Variants in CHFR observed in about 807,000 individuals in gnomAD.
CHFR encodes E3 ubiquitin-protein ligase CHFR.
A neutral mutation model predicts 87.6 loss-of-function variants in CHFR; 57 were observed. The observed-to-expected ratio is 0.65, with a 90% CI of 0.53 to 0.81. The LOEUF (loss-of-function observed/expected upper bound fraction) is 0.81, where lower values mean the gene tolerates loss of function less well. Among genes scored for constraint, CHFR ranks in the 30% least tolerant of loss-of-function variants. The pLI is 0.00. For missense variants in CHFR, 797 were observed against 865.8 expected, an observed-to-expected ratio of 0.92 and a Z score of 1.00; for synonymous variants, 381 against 359.2, an observed-to-expected ratio of 1.06 and a Z score of -0.69.
At position 132,873,634 on chromosome 12, in the gene CHFR, C is replaced by T. The variant is rs576408069; in HGVS notation, c.234-1240G>A. ...TTCTGTGTCCTCCTGCTCCACAGGGCTGGCTACGGGGCTGGAGTGCACACG... is the reference window on the plus strand; with the variant it reads ...TTCTGTGTCCTCCTGCTCCACAGGGTTGGCTACGGGGCTGGAGTGCACACG... On this transcript the variant is annotated intron_variant, in intron 3 of 17. Coordinates refer to ENST00000450056, the MANE Select transcript of CHFR (RefSeq NM_001161346.2). Among the ~76,000 whole-genome samples the T allele has an allele frequency of 1.1e-4, 15 of 139,512 alleles. No individual in the cohort carries two copies. The East Asian group carries it at 3.6e-3, about 34-fold the overall frequency. 91.5% of individuals were successfully genotyped at this position (139,512 alleles called of 152,430 possible).
intron 14 of CHFR, 167 bp downstream of exon 14, chr12:132,847,918 A>G: frequency 6.8e-7 from 1 of 1,467,198 alleles, no homozygotes; most frequent in South Asian, 1.4e-5. Flanking sequence ...CACCAATGGC[A>G]TGCAGAGAAC....
intron 3 of CHFR, among the ~76,000 whole-genome samples, chr12:132,876,699 A>G (rs1178418586): frequency 6.6e-6 from 1 of 152,248 alleles, no homozygotes; most frequent in Non-Finnish European, 1.5e-5. Context: ...CATAGACACC[A>G]AAGTGTCACT....
Position 132,853,463 on chromosome 12 carries a change from T to A in CHFR, c.1340A>T (p.Asp447Val). 6.5e-7 allele frequency: 1 copy of A among 1,537,486 alleles called. No individual in the cohort carries two copies. The highest frequency in any genetic ancestry group is 8.7e-7 in the Non-Finnish European group (1 of 1,151,042). The change falls in exon 11 of 18, where the codon GAT becomes GTT. Residue 447 changes from aspartate to valine, a missense_variant. Transcript: ENST00000450056. ...CAGGCTGACGGACGTGGAGGGTGCA[T>A]CCCCCAGGGCCTGTGGGGCTCCTGG... ...GEPGAPQALG[D>V]APSTSVSLTT... is the part of the protein sequence containing the mutation.
rs978557262 is a variant in CHFR, at chr12:132,887,082, A to T, written c.133+114T>A. 2.2e-5 allele frequency: 19 copies of T among 870,686 alleles called. No individual in the cohort carries two copies. In the African/African-American group the frequency reaches 3.4e-4, roughly 16 times the overall value. 53.9% of individuals were successfully genotyped at this position (870,686 alleles called of 1,614,324 possible). ...GAATAAATACCAGTTCTTACATGAC[A>T]TTTCACTCCACGGAAAAATCTGGAG... is the stretch of plus-strand genomic sequence containing the variant. On this transcript the variant is annotated intron_variant, in intron 2 of 17. Transcript: ENST00000450056.
At chr12:132,864,096 T>C (rs2136992658) in intron 6 of CHFR, among the ~76,000 whole-genome samples, 1 of 151,946 alleles carries the variant, frequency 6.6e-6, no homozygotes, top group Admixed American at 6.6e-5. Context: ...ATAACCTATA[T>C]CTTAATAAAG....
intron 2 of CHFR, among the ~76,000 whole-genome samples, chr12:132,884,706 T>C (rs942545233): frequency 2.6e-5 from 4 of 152,072 alleles, no homozygotes; most frequent in African/African-American, 9.7e-5. Context: ...AGCAAGAAAG[T>C]GGCCACCTGC....
chr12:132,878,647 A>G (rs531761656), intron 2 of CHFR, among the ~76,000 whole-genome samples: 3 of 151,622 alleles, frequency 2.0e-5, no homozygotes, highest in Non-Finnish European at 4.4e-5. Context: ...GTGAAACCCC[A>G]TCTCTACTAA....
intron 10 of CHFR, 87 bp from the exon 11 acceptor site, chr12:132,853,660 C>T: frequency 7.1e-7 from 1 of 1,409,988 alleles, no homozygotes; most frequent in South Asian, 1.4e-5. Flanking sequence ...GCCATCACAG[C>T]TCAGCTCCAC....
At chr12:132,841,633 A>G in intron 17 of CHFR, 37 bp from the exon 18 acceptor site, 4 of 1,541,764 alleles carry the variant, frequency 2.6e-6, no homozygotes, top group Non-Finnish European at 3.6e-6. Context: ...ACAAGAGAGC[A>G]TTGGAGAGGC....
At chr12:132,886,752 A>G (rs1951903498) in intron 2 of CHFR, among the ~76,000 whole-genome samples, 1 of 152,220 alleles carries the variant, frequency 6.6e-6, no homozygotes, top group African/African-American at 2.4e-5. Context: ...CATCCTAAAT[A>G]CCTTTTGGTG....
At chr12:132,878,995 T>G (rs1566204585) in intron 2 of CHFR, among the ~76,000 whole-genome samples, 1 of 136,602 alleles carries the variant, frequency 7.3e-6, no homozygotes, top group Non-Finnish European at 1.6e-5. Flanking sequence ...TTGTTTTTTT[T>G]TTTGTTTTTG....
Position 132,836,789 on chromosome 12 carries a change from G to A in CHFR, c.*4765C>T, listed in dbSNP as rs1950650984. 4.4e-6 allele frequency: 2 copies of A among 455,896 alleles called. No individual in the cohort carries two copies. The highest frequency in any genetic ancestry group is 8.8e-6 in the Non-Finnish European group (2 of 226,768). The allele number at this position is 455,896 out of a possible 1,614,324, so 28.2% of individuals were successfully genotyped here. ...TGCCGCGGGAAAGATTTCAAGCCCAGGGGACGGCTCATCAGCTCATCAGAC... is the reference window on the plus strand; with the variant it reads ...TGCCGCGGGAAAGATTTCAAGCCCAAGGGACGGCTCATCAGCTCATCAGAC... On this transcript the variant is annotated 3_prime_UTR_variant, in exon 18 of 18. Transcript: ENST00000450056.
Position 132,835,635 on chromosome 12 carries a change from C to CT in CHFR, c.*5918_*5919insA. On this transcript the variant is annotated 3_prime_UTR_variant, in exon 18 of 18. Coordinates refer to ENST00000450056, the MANE Select transcript of CHFR (RefSeq NM_001161346.2). ...GCCAAGGAGACAGACCAAAGAGGAACCGGCCCCGCTGACACCCTGATCTCA... is the reference window on the plus strand; with the variant it reads ...GCCAAGGAGACAGACCAAAGAGGAACTCGGCCCCGCTGACACCCTGATCTCA... 1.0e-5 allele frequency: 2 copies of CT among 192,108 alleles called. No individual in the cohort carries two copies. Among genetic ancestry groups the CT allele is most frequent in the South Asian group, 1.5e-4 (2 of 13,404 alleles). 11.9% of individuals were successfully genotyped at this position (192,108 alleles called of 1,614,324 possible). A position where few individuals can be genotyped will look rare whatever the true frequency, so the allele number is the denominator to read the frequency against.
chr12:132,869,648 G>C lies in CHFR; in HGVS notation c.554C>G (p.Pro185Arg). ...TASASSTEPS[P>R]AGRERSSSCG... ...ACTGGAGGAACGCTCTCGCCCTGCA[G>C]GAGAAGGCTCCGTGGAAGAGGCCGA... is the stretch of plus-strand genomic sequence containing the variant. Residue 185 changes from proline to arginine, a missense_variant, in exon 6 of 18, where the codon CCT becomes CGT. Coordinates refer to ENST00000450056, the MANE Select transcript of CHFR (RefSeq NM_001161346.2). 1 of 1,551,630 alleles carries C rather than the reference G, an allele frequency of 6.4e-7. No homozygotes were observed. Among genetic ancestry groups the C allele is most frequent in the East Asian group, 2.4e-5 (1 of 40,884 alleles).
intron 12 of CHFR, among the ~76,000 whole-genome samples, 172 bp downstream of exon 12, chr12:132,851,446 G>A (rs2062161): frequency 0.1 from 15,899 of 152,080 alleles, 1,664 homozygotes; most frequent in East Asian, 0.46. Flanking sequence ...ACTAGATGGT[G>A]GGAAAAGATA....
At chr12:132,887,085 T>G (rs776471313) in intron 2 of CHFR, 111 bp downstream of exon 2, 25 of 897,200 alleles carry the variant, frequency 2.8e-5, no homozygotes, top group Non-Finnish European at 3.8e-5. Context: ...ACATGACATT[T>G]CACTCCACGG....
At chr12:132,882,199 C>G (rs1951785174) in intron 2 of CHFR, among the ~76,000 whole-genome samples, 1 of 152,228 alleles carries the variant, frequency 6.6e-6, no homozygotes, top group Non-Finnish European at 1.5e-5. Flanking sequence ...CCACAGAACA[C>G]TACCCGGTAA....
At chr12:132,857,314 G>A in intron 9 of CHFR, 91 bp downstream of exon 9, 5 of 1,373,670 alleles carry the variant, frequency 3.6e-6, no homozygotes, top group Non-Finnish European at 3.0e-6. Context: ...ACGTGCCCGG[G>A]TGCTGCTGGG....
chr12:132,876,130 C>G (rs1168948747), intron 3 of CHFR, among the ~76,000 whole-genome samples: 1 of 150,242 alleles, frequency 6.7e-6, no homozygotes. Flanking sequence ...GAGCCGAGAT[C>G]GTACCACTGC....
Sources: allele counts gnomAD v4.1 joint callset (sites outside exome capture counted in the v4.1 genomes callset), GRCh38; gene constraint gnomAD v4.1.1; transcripts MANE v1.5; gene names NCBI Gene and HGNC (gene_info 2026-07-23, HGNC 2026-07-21).